The following SND1 variants were observed in gnomAD, a reference collection of about 807,000 sequenced individuals.
SND1 encodes the protein staphylococcal nuclease domain-containing protein 1.
In SND1, 38 loss-of-function variants were observed where a neutral mutation model predicts 121.7. The ratio of observed to expected loss-of-function variants is 0.31; its 90% CI spans 0.24 to 0.41. The LOEUF (loss-of-function observed/expected upper bound fraction) is 0.41. Ranked by LOEUF, SND1 falls within the 10% of genes least tolerant of loss-of-function variation. SND1 has a pLI of 1.00. For synonymous variants in SND1, 401 were observed against 447.4 expected (o/e 0.90, Z 1.31); for missense variants, 868 against 1,184.6 (o/e 0.73, Z 3.92).
At chr7:127,920,423 T>C (rs1416212331) in intron 14 of SND1, among the ~76,000 whole-genome samples, 1 of 152,098 alleles carries the variant, frequency 6.6e-6, no homozygotes, top group East Asian at 1.9e-4. Flanking sequence ...ATGGAAGAAC[T>C]CTTGGGAGGA....
At chr7:127,660,974 C>T (rs1303281125) in intron 1 of SND1, among the ~76,000 whole-genome samples, 2 of 152,074 alleles carry the variant, frequency 1.3e-5, no homozygotes, top group African/African-American at 2.4e-5. Flanking sequence ...CTGAAAGAAT[C>T]AGTTTGGGAT....
chr7:127,717,213 C>G (rs1182722545), intron 9 of SND1, among the ~76,000 whole-genome samples: 1 of 152,128 alleles, frequency 6.6e-6, no homozygotes, highest in Non-Finnish European at 1.5e-5. Flanking sequence ...GTTAGTATAT[C>G]AATATAGATA....
chr7:127,859,525 A>T (rs533911249), intron 12 of SND1, among the ~76,000 whole-genome samples: 74 of 152,322 alleles, frequency 4.9e-4, no homozygotes, highest in Non-Finnish European at 9.3e-4. Context: ...TGGGAAGGCC[A>T]GGTGATATGA....
intron 1 of SND1, among the ~76,000 whole-genome samples, chr7:127,664,088 C>T (rs968465223): frequency 6.6e-6 from 1 of 152,136 alleles, no homozygotes; most frequent in African/African-American, 2.4e-5. Flanking sequence ...TGCAGTGGTG[C>T]GACCACAACT....
At chr7:127,838,347 C>A (rs1798904558) in intron 11 of SND1, among the ~76,000 whole-genome samples, 1 of 152,196 alleles carries the variant, frequency 6.6e-6, no homozygotes. Context: ...GATCTCAGAA[C>A]TCATCGTACT....
chr7:127,805,459 G>A (rs1018761052), intron 10 of SND1, among the ~76,000 whole-genome samples: 4 of 152,146 alleles, frequency 2.6e-5, no homozygotes, highest in African/African-American at 4.8e-5. Context: ...TTTTTTAACA[G>A]GAGGTAGAAA....
intron 14 of SND1, among the ~76,000 whole-genome samples, chr7:127,916,762 G>A (rs1800588346): frequency 6.6e-6 from 1 of 152,214 alleles, no homozygotes; most frequent in Non-Finnish European, 1.5e-5. Context: ...CCAGTGGACA[G>A]TGCAATTCCA....
At chr7:127,909,783 G>T (rs968781692) in intron 14 of SND1, among the ~76,000 whole-genome samples, 1 of 152,230 alleles carries the variant, frequency 6.6e-6, no homozygotes, top group African/African-American at 2.4e-5. Flanking sequence ...TGGGGAAGGT[G>T]CAGGGCACAG....
At chr7:127,903,672 T>C (rs1234029173) in intron 13 of SND1, among the ~76,000 whole-genome samples, 1 of 152,164 alleles carries the variant, frequency 6.6e-6, no homozygotes, top group Non-Finnish European at 1.5e-5. Flanking sequence ...ATTTGGCTTA[T>C]GAGGGTTTAC....
chr7:127,797,646 A>G (rs548737644), intron 10 of SND1, among the ~76,000 whole-genome samples: 10 of 152,172 alleles, frequency 6.6e-5, no homozygotes, highest in South Asian at 6.2e-4. Flanking sequence ...TTTGTTTTCA[A>G]TTTTCTTCAG....
intron 10 of SND1, among the ~76,000 whole-genome samples, chr7:127,727,691 T>A (rs1278236823): frequency 2.0e-5 from 3 of 152,138 alleles, no homozygotes; most frequent in Non-Finnish European, 4.4e-5. Flanking sequence ...CAGTCTCCAA[T>A]GGAGAGATTT....
chr7:127,738,598 G>A (rs17718395), intron 10 of SND1, among the ~76,000 whole-genome samples: 17,080 of 152,024 alleles, frequency 0.11, 1,189 homozygotes, highest in Admixed American at 0.22. Context: ...GTTTTTTTAA[G>A]GCTAACGTGT....
intron 16 of SND1, among the ~76,000 whole-genome samples, chr7:128,010,611 C>T (rs1803093341): frequency 6.6e-6 from 1 of 152,266 alleles, no homozygotes; most frequent in Non-Finnish European, 1.5e-5. Flanking sequence ...CATGGCATTA[C>T]TGCCTCTGGT....
intron 16 of SND1, among the ~76,000 whole-genome samples, chr7:128,033,549 C>A (rs906156987): frequency 6.6e-6 from 1 of 152,152 alleles, no homozygotes; most frequent in African/African-American, 2.4e-5. Context: ...TGAGTATTGT[C>A]TTTTGCCCAG....
chr7:127,666,834 G>A (rs922566010), intron 1 of SND1, among the ~76,000 whole-genome samples: 4 of 152,192 alleles, frequency 2.6e-5, no homozygotes, highest in Admixed American at 6.5e-5. Context: ...CACTGGCATC[G>A]TGGTGGGGAA....
intron 14 of SND1, among the ~76,000 whole-genome samples, chr7:127,925,793 C>T (rs184014194): frequency 1.3e-5 from 2 of 152,048 alleles, no homozygotes; most frequent in Admixed American, 6.5e-5. Flanking sequence ...TAGGGTTTCA[C>T]CATGTTGGCC....
intron 16 of SND1, among the ~76,000 whole-genome samples, chr7:128,073,224 C>A (rs993482174): frequency 6.6e-6 from 1 of 152,190 alleles, no homozygotes; most frequent in Non-Finnish European, 1.5e-5. Flanking sequence ...TCTCCAGTGC[C>A]ACCTACAGAA....
intron 11 of SND1, among the ~76,000 whole-genome samples, chr7:127,833,935 A>G (rs1798814877): frequency 6.6e-6 from 1 of 152,082 alleles, no homozygotes; most frequent in Admixed American, 6.5e-5. Flanking sequence ...TACCTTATTT[A>G]AATGGAATCA....
chr7:128,062,587 G>A (rs1022881398), intron 16 of SND1, among the ~76,000 whole-genome samples: 7 of 152,324 alleles, frequency 4.6e-5, no homozygotes, highest in African/African-American at 1.7e-4. Context: ...TGAGAGTATA[G>A]AATTATCTCT....
Sources: gnomAD v4.1 joint callset for allele counts (sites outside exome capture counted in the v4.1 genomes callset) on GRCh38, gnomAD v4.1.1 for gene constraint, MANE v1.5 for transcripts, NCBI Gene and HGNC (gene_info 2026-07-23, HGNC 2026-07-21) for gene names.